Variants in DACH1 observed in about 807,000 individuals in gnomAD.
DACH1 encodes dachshund homolog 1.
In DACH1, 12 loss-of-function variants were observed where a neutral mutation model predicts 54.2. The ratio of observed to expected loss-of-function variants is 0.22; its 90% CI spans 0.14 to 0.36. DACH1 has a LOEUF of 0.36. Among genes scored for constraint, DACH1 ranks in the 10% least tolerant of loss-of-function variants. The pLI is 1.00. For missense variants in DACH1, 805 were observed against 929.8 expected (o/e 0.87, Z 1.75); for synonymous variants, 386 against 366.2 (o/e 1.05, Z -0.62).
intron 1 of DACH1, chr13:71,704,215 G>T: frequency 4.2e-6 from 1 of 240,258 alleles, no homozygotes; most frequent in Non-Finnish European, 8.3e-6. Flanking sequence ...AGAGGCACCT[G>T]ATATATGTTC....
chr13:71,708,453 G>A (rs1201672132), intron 1 of DACH1, among the ~76,000 whole-genome samples: 4 of 152,206 alleles, frequency 2.6e-5, no homozygotes, highest in Middle Eastern at 3.4e-3. Context: ...GAAAGAGATT[G>A]CATGTTTTAT....
intron 1 of DACH1, among the ~76,000 whole-genome samples, chr13:71,856,108 G>T (rs981572919): frequency 6.6e-6 from 1 of 151,788 alleles, no homozygotes; most frequent in Non-Finnish European, 1.5e-5. Flanking sequence ...AAGAATAAAG[G>T]TACTAAATAT....
chr13:71,727,640 TGAG>T (rs1478649742), intron 1 of DACH1, among the ~76,000 whole-genome samples: 1 of 152,056 alleles, frequency 6.6e-6, no homozygotes, highest in Non-Finnish European at 1.5e-5. Flanking sequence ...GAGCTGAAAA[TGAG>T]GACATGGAAA....
chr13:71,528,832 CAG>C, intron 6 of DACH1, among the ~76,000 whole-genome samples: 1 of 152,078 alleles, frequency 6.6e-6, no homozygotes, highest in East Asian at 1.9e-4. Context: ...ACCTACAAAA[CAG>C]AGTACTGTCT....
intron 1 of DACH1, among the ~76,000 whole-genome samples, chr13:71,760,842 C>T (rs560163704): frequency 4.6e-5 from 7 of 152,208 alleles, no homozygotes; most frequent in African/African-American, 1.7e-4. Context: ...TCTTCACTAC[C>T]CATCATCCAC....
At chr13:71,845,321 T>G (rs1227324026) in intron 1 of DACH1, among the ~76,000 whole-genome samples, 1 of 152,156 alleles carries the variant, frequency 6.6e-6, no homozygotes, top group Non-Finnish European at 1.5e-5. Context: ...AATTTGCACA[T>G]CATGAAAGTG....
chr13:71,769,394 CT>C (rs1198173248), intron 1 of DACH1, among the ~76,000 whole-genome samples: 1 of 151,588 alleles, frequency 6.6e-6, no homozygotes, highest in Non-Finnish European at 1.5e-5. Context: ...AGTTTTCAAA[CT>C]TTTGTGTGCA....
intron 2 of DACH1, among the ~76,000 whole-genome samples, chr13:71,651,224 G>T (rs889960349): frequency 6.6e-6 from 1 of 151,960 alleles, no homozygotes; most frequent in South Asian, 2.1e-4. Context: ...CATGAGGGCA[G>T]GGCACGGTGG....
At chr13:71,477,156 CCCA>C (rs1877634606) in intron 8 of DACH1, among the ~76,000 whole-genome samples, 1 of 125,530 alleles carries the variant, frequency 8.0e-6, no homozygotes, top group African/African-American at 3.1e-5. Context: ...CGCTCTGTTG[CCCA>C]GCCCAGGCTG....
chr13:71,584,023 G>C (rs910834696), intron 3 of DACH1, among the ~76,000 whole-genome samples: 3 of 151,606 alleles, frequency 2.0e-5, no homozygotes, highest in Non-Finnish European at 4.4e-5. Flanking sequence ...CCTACTTTTT[G>C]CCTGTTCTAC....
rs535765872 is a variant in DACH1, at chr13:71,756,250, A to G, written c.849-74340T>C. ...AGTAGAGACAGGTTCTCACAGTGTTAGCCAGGATGGTCTTGATCTCCTGAC... is the reference window on the plus strand; with the variant it reads ...AGTAGAGACAGGTTCTCACAGTGTTGGCCAGGATGGTCTTGATCTCCTGAC... On this transcript the variant is annotated intron_variant, in intron 1 of 10. Transcript: ENST00000613252. 2.3e-4 allele frequency among the ~76,000 whole-genome samples: 35 copies of G among 151,510 alleles called. 1 individual carries two copies. In the South Asian group the frequency reaches 5.0e-3, roughly 22 times the overall value.
chr13:71,821,296 CAACTACT>C (rs1318104819), intron 1 of DACH1, among the ~76,000 whole-genome samples: 2 of 152,056 alleles, frequency 1.3e-5, no homozygotes, highest in African/African-American at 4.8e-5. Flanking sequence ...ACCCATGATC[CAACTACT>C]ACACAGTTTT....
intron 1 of DACH1, among the ~76,000 whole-genome samples, chr13:71,843,009 A>C (rs1872980934): frequency 6.6e-6 from 1 of 152,156 alleles, no homozygotes; most frequent in South Asian, 2.1e-4. Context: ...TAAATATTGA[A>C]ACTACTGCAC....
intron 1 of DACH1, among the ~76,000 whole-genome samples, chr13:71,827,885 G>A (rs1414198010): frequency 2.0e-5 from 3 of 151,926 alleles, no homozygotes; most frequent in Non-Finnish European, 4.4e-5. Context: ...GAAAACCAGC[G>A]ACTGAATTTC....
intron 2 of DACH1, among the ~76,000 whole-genome samples, chr13:71,663,062 T>C (rs141868279): frequency 6.6e-6 from 1 of 152,024 alleles, no homozygotes; most frequent in African/African-American, 2.4e-5. Context: ...ATATCTAATA[T>C]TCACTTCAGA....
At chr13:71,686,394 A>G (rs992243187) in intron 1 of DACH1, among the ~76,000 whole-genome samples, 9 of 152,160 alleles carry the variant, frequency 5.9e-5, no homozygotes, top group African/African-American at 1.9e-4. Context: ...ACACACAGAC[A>G]GATCGCCAGG....
At chr13:71,558,708 C>T (rs921040705) in intron 5 of DACH1, among the ~76,000 whole-genome samples, 1 of 151,770 alleles carries the variant, frequency 6.6e-6, no homozygotes. Context: ...AATACGTTTC[C>T]GGCAGGCCAA....
At position 71,440,513 on chromosome 13, in the gene DACH1, T is replaced by C. The variant is rs1873919378; in HGVS notation, c.*142A>G. On this transcript the variant is annotated 3_prime_UTR_variant, in exon 11 of 11. Coordinates refer to ENST00000613252, the MANE Select transcript of DACH1 (RefSeq NM_080759.6). ...GAAAACTTTTTTTTTTTTTGTAGAA[T>C]ACTTAAACTTTTAAAGAACATTAAT... 5 of 579,122 alleles carry C rather than the reference T, an allele frequency of 8.6e-6. No individual in the cohort carries two copies. Among genetic ancestry groups the C allele is most frequent in the Admixed American group, 3.8e-5 (1 of 26,488 alleles). 35.9% of individuals were successfully genotyped at this position (579,122 alleles called of 1,614,324 possible).
chr13:71,521,287 G>A (rs1197940875), intron 6 of DACH1, among the ~76,000 whole-genome samples: 3 of 151,930 alleles, frequency 2.0e-5, no homozygotes, highest in African/African-American at 7.2e-5. Flanking sequence ...CCTTTTGAAA[G>A]CAAATGGAGG....
Sources: allele counts gnomAD v4.1 joint callset (sites outside exome capture counted in the v4.1 genomes callset), GRCh38; gene constraint gnomAD v4.1.1; transcripts MANE v1.5; gene names NCBI Gene and HGNC (gene_info 2026-07-23, HGNC 2026-07-21).